FN1: variants seen among roughly 807,000 people sequenced by gnomAD.
FN1 encodes the protein fibronectin.
A neutral mutation model predicts 297.3 loss-of-function variants in FN1; 106 were observed. That is an observed-to-expected ratio of 0.36 (90% CI 0.30 to 0.42). FN1 has a LOEUF of 0.42. FN1 is among the 10% of genes least tolerant of loss of function. The probability of loss-of-function intolerance (pLI) is 1.00; values close to 1 mark genes in which losing one functional copy is unlikely to be tolerated. For missense variants in FN1, 2,690 were observed against 3,124.9 expected, an observed-to-expected ratio of 0.86 and a Z score of 3.32; for synonymous variants, 1,149 against 1,152.6, an observed-to-expected ratio of 1.00 and a Z score of 0.06.
chr2:215,361,699 AG>A, intron 45 of FN1, 73 bp from the exon 46 acceptor site: 1 of 1,198,994 alleles, frequency 8.3e-7, no homozygotes, highest in South Asian at 1.2e-5. Flanking sequence ...AAATGCGGGG[AG>A]GTGGGGACTC....
At chr2:215,419,605 C>T (rs889278466) in intron 11 of FN1, among the ~76,000 whole-genome samples, 8 of 151,154 alleles carry the variant, frequency 5.3e-5, no homozygotes, top group Non-Finnish European at 8.8e-5. Flanking sequence ...ATTTAGTTTT[C>T]TAAAAGGTAA....
chr2:215,397,061 A>G, intron 23 of FN1, 76 bp downstream of exon 23: 1 of 968,246 alleles, frequency 1.0e-6, no homozygotes, highest in Non-Finnish European at 1.7e-6. Context: ...CTTTCTCTGA[A>G]AGAAACACAG....
At chr2:215,380,386 A>G (rs1435965944) in intron 33 of FN1, 1 of 208,466 alleles carries the variant, frequency 4.8e-6, no homozygotes, top group Non-Finnish European at 9.8e-6. Flanking sequence ...ATGATATCTA[A>G]CCAGAGAAGA....
chr2:215,390,004 C>T (rs779355538), intron 26 of FN1, among the ~76,000 whole-genome samples: 12 of 152,164 alleles, frequency 7.9e-5, no homozygotes, highest in Non-Finnish European at 1.3e-4. Context: ...GGAACTCCTA[C>T]TCACTAAACC....
chr2:215,366,956 T>G (rs926996448), intron 42 of FN1, among the ~76,000 whole-genome samples: 1 of 152,234 alleles, frequency 6.6e-6, no homozygotes, highest in East Asian at 1.9e-4. Context: ...GAAGTCTATA[T>G]TGAAAACACT....
At chr2:215,388,413 C>G (rs1285688164) in intron 26 of FN1, 112 bp from the exon 27 acceptor site, 1 of 770,496 alleles carries the variant, frequency 1.3e-6, no homozygotes. Flanking sequence ...GTCCTATAGC[C>G]TACTTACACC....
chr2:215,411,334 T>C (rs1446563094), intron 13 of FN1, among the ~76,000 whole-genome samples: 1 of 152,250 alleles, frequency 6.6e-6, no homozygotes, highest in Non-Finnish European at 1.5e-5. Flanking sequence ...CAGTGATTTT[T>C]AAAAATTACC....
At chr2:215,395,030 G>A (rs2060151862) in intron 23 of FN1, among the ~76,000 whole-genome samples, 1 of 152,150 alleles carries the variant, frequency 6.6e-6, no homozygotes, top group Admixed American at 6.5e-5. Flanking sequence ...AACCAGGGGA[G>A]TGATTCCCCA....
chr2:215,371,823 T>A, intron 40 of FN1, 86 bp downstream of exon 40: 1 of 1,261,360 alleles, frequency 7.9e-7, no homozygotes, highest in South Asian at 1.2e-5. Context: ...ATGAAGCCAC[T>A]TTTTATTCGA....
At chr2:215,401,542 C>A (rs1054268616) in intron 20 of FN1, among the ~76,000 whole-genome samples, 10 of 152,216 alleles carry the variant, frequency 6.6e-5, no homozygotes, top group African/African-American at 2.4e-4. Flanking sequence ...ACAATTCTTC[C>A]TCTCTTTACA....
At chr2:215,429,024 A>G (rs1333845907) in intron 5 of FN1, among the ~76,000 whole-genome samples, 1 of 148,026 alleles carries the variant, frequency 6.8e-6, no homozygotes, top group African/African-American at 2.4e-5. Context: ...AAAACAAAAC[A>G]AAACAAAACA....
At position 215,361,217 on chromosome 2, in the gene FN1, C is replaced by T. The variant is rs1186109950; in HGVS notation, c.*338G>A. 3 of 286,092 alleles carry T rather than the reference C, an allele frequency of 1.0e-5. No homozygotes were observed. The highest frequency in any genetic ancestry group is 6.5e-5 in the African/African-American group (3 of 45,912). The allele number at this position is 286,092 out of a possible 1,614,324, so 17.7% of individuals were successfully genotyped here. Reference sequence around the variant, plus strand: ...TGACTTTCCTACTTAAAATTTTGGTCATATCATTTCAAAACATTTGCATCT... The same window carrying T: ...TGACTTTCCTACTTAAAATTTTGGTTATATCATTTCAAAACATTTGCATCT... On this transcript the variant is annotated 3_prime_UTR_variant, in exon 46 of 46. Transcript: ENST00000354785.
At chr2:215,409,825 T>A in intron 14 of FN1, 86 bp from the exon 15 acceptor site, 11 of 1,591,384 alleles carry the variant, frequency 6.9e-6, no homozygotes, top group Non-Finnish European at 8.6e-6. Context: ...TTAAAAAACG[T>A]TGGTGCCCCT....
Position 215,382,202 on chromosome 2 carries a change from G to A in FN1, c.5164+10C>T, listed in dbSNP as rs752919146. 5.1e-6 allele frequency: 8 copies of A among 1,579,602 alleles called. No homozygotes were observed. Among genetic ancestry groups the A allele is most frequent in the Non-Finnish European group, 7.0e-6 (8 of 1,148,566 alleles). On this transcript the variant is annotated intron_variant, in intron 32 of 45. Transcript: ENST00000354785. ...ACTTTGAAAATGGAAACCAAGCAGTGGTTACGTACTGGTTACTGCAGTCTG... is the reference window on the plus strand; with the variant it reads ...ACTTTGAAAATGGAAACCAAGCAGTAGTTACGTACTGGTTACTGCAGTCTG...
At chr2:215,378,153 A>G in intron 35 of FN1, 22 bp downstream of exon 35, 7 of 1,381,270 alleles carry the variant, frequency 5.1e-6, no homozygotes, top group South Asian at 1.2e-5. Context: ...GTTTGTCCAT[A>G]TGAAGACATT....
chr2:215,422,231 A>G lies in FN1; in HGVS notation c.1406T>C (p.Ile469Thr). 1 of 1,614,116 alleles carries G rather than the reference A, an allele frequency of 6.2e-7. No homozygotes were observed. The highest frequency in any genetic ancestry group is 8.5e-7 in the Non-Finnish European group (1 of 1,179,992). Reference protein sequence around the residue: ...GFCPMAAHEEICTTNEGVMYR... With the variant: ...GFCPMAAHEETCTTNEGVMYR... ...CATGACCCCTTCATTGGTTGTGCAG[A>G]TTTCCTCGTGGGCTGTTTGGAAATG... The change falls in exon 10 of 46, where the codon ATC becomes ACC. Residue 469 changes from isoleucine (I) to threonine (T), a missense_variant. Coordinates refer to ENST00000354785, the MANE Select transcript of FN1 (RefSeq NM_212482.4).
chr2:215,433,509 T>TTTCTA, intron 2 of FN1, 48 bp from the exon 3 acceptor site: 1 of 1,584,014 alleles, frequency 6.3e-7, no homozygotes, highest in Non-Finnish European at 8.6e-7. Context: ...GGTACAAGCT[T>TTTCTA]TTCTAGTTCA....
rs11674123 is a variant in FN1, at chr2:215,401,263, G to A, written c.3254-1912C>T. On this transcript the variant is annotated intron_variant, in intron 20 of 45. Transcript: ENST00000354785. ...GAAAGAAAGAAAGGAAGAAAGAAAG[G>A]AAGGAAAGGAAAGGAAAGGAAGAAA... Among the ~76,000 whole-genome samples the A allele has an allele frequency of 2.3e-3, 168 of 74,086 alleles. 10 individuals are homozygous for A. Among genetic ancestry groups the A allele is most frequent in the African/African-American group, 9.9e-3 (143 of 14,496 alleles). 48.6% of individuals were successfully genotyped at this position (74,086 alleles called of 152,430 possible). A position where few individuals can be genotyped will look rare whatever the true frequency, so the allele number is the denominator to read the frequency against.
At chr2:215,425,422 T>C (rs2106452476) in intron 6 of FN1, 137 bp from the exon 7 acceptor site, 2 of 863,998 alleles carry the variant, frequency 2.3e-6, no homozygotes, top group Non-Finnish European at 3.9e-6. Flanking sequence ...TGGAAAAAAA[T>C]GTCCCTTATT....
Sources: allele counts gnomAD v4.1 joint callset (sites outside exome capture counted in the v4.1 genomes callset), GRCh38; gene constraint gnomAD v4.1.1; transcripts MANE v1.5; gene names NCBI Gene and HGNC (gene_info 2026-07-23, HGNC 2026-07-21).